Variants in RPTOR observed in about 807,000 individuals in gnomAD.
RPTOR encodes regulatory-associated protein of mTOR.
A neutral mutation model predicts 169.9 loss-of-function variants in RPTOR; 21 were observed. That is an observed-to-expected ratio of 0.12 (90% CI 0.09 to 0.18). RPTOR has a LOEUF of 0.18. Among genes scored for constraint, RPTOR ranks in the 10% least tolerant of loss-of-function variants. The pLI, the probability that RPTOR is intolerant of heterozygous loss-of-function variation, is 1.00. For missense variants in RPTOR, 1,133 were observed against 1,855.9 expected, an observed-to-expected ratio of 0.61 and a Z score of 7.16; for synonymous variants, 732 against 753.2, an observed-to-expected ratio of 0.97 and a Z score of 0.46.
At chr17:80,569,576 T>G (rs2064881393) in intron 1 of RPTOR, among the ~76,000 whole-genome samples, 1 of 152,118 alleles carries the variant, frequency 6.6e-6, no homozygotes, top group African/African-American at 2.4e-5. Flanking sequence ...CAGGTCTAGG[T>G]CAGGATTGGA....
chr17:80,558,670 G>A (rs759998251), intron 1 of RPTOR, among the ~76,000 whole-genome samples: 2 of 152,056 alleles, frequency 1.3e-5, no homozygotes, highest in African/African-American at 2.4e-5. Context: ...CCTAAACACC[G>A]TGTCTGTCTC....
At chr17:80,577,267 C>T (rs1204917926) in intron 1 of RPTOR, among the ~76,000 whole-genome samples, 1 of 152,144 alleles carries the variant, frequency 6.6e-6, no homozygotes, top group Non-Finnish European at 1.5e-5. Flanking sequence ...TGACCTCAGG[C>T]AATCCATCTG....
intron 9 of RPTOR, among the ~76,000 whole-genome samples, chr17:80,824,624 G>C (rs1250697798): frequency 6.6e-6 from 1 of 152,106 alleles, no homozygotes; most frequent in Non-Finnish European, 1.5e-5. Context: ...AAGCTGAAGG[G>C]GTCAGTGCCA....
At chr17:80,832,144 T>A (rs1041709892) in intron 9 of RPTOR, among the ~76,000 whole-genome samples, 1 of 152,204 alleles carries the variant, frequency 6.6e-6, no homozygotes, top group Non-Finnish European at 1.5e-5. Flanking sequence ...ATGGTTTGCC[T>A]TTCTCCCTGG....
chr17:80,964,111 C>T (rs1402025348), intron 33 of RPTOR, 151 bp from the exon 34 acceptor site: 19 of 680,874 alleles, frequency 2.8e-5, no homozygotes, highest in Non-Finnish European at 3.6e-5. Flanking sequence ...CTGGTGGGAC[C>T]GGCCCGGCAT....
intron 1 of RPTOR, among the ~76,000 whole-genome samples, chr17:80,555,550 C>T (rs111477917): frequency 4.3e-4 from 66 of 152,324 alleles, no homozygotes; most frequent in African/African-American, 1.5e-3. Flanking sequence ...AGTGTCCTGT[C>T]TCTCCAGGGC....
intron 5 of RPTOR, chr17:80,743,558 C>T: frequency 1.9e-6 from 1 of 536,368 alleles, no homozygotes; most frequent in Non-Finnish European, 2.4e-6. Context: ...GGAAAGGTGC[C>T]TGCGTGGGCT....
intron 6 of RPTOR, among the ~76,000 whole-genome samples, chr17:80,777,008 G>A (rs2066897790): frequency 6.6e-6 from 1 of 152,206 alleles, no homozygotes; most frequent in Non-Finnish European, 1.5e-5. Context: ...GGAGGACGAG[G>A]TGGGCAGATT....
rs2144105063 is a variant in RPTOR, at chr17:80,962,950, G to A, written c.3832G>A (p.Ala1278Thr). 1.9e-6 allele frequency: 3 copies of A among 1,613,650 alleles called. No individual in the cohort carries two copies. The highest frequency in any genetic ancestry group is 1.7e-6 in the Non-Finnish European group (2 of 1,179,940). ...IACGSVNQFT[A>T]IYNSSGELIN... is the part of the protein sequence containing the mutation. ...CAGTGGCTCCGTCAATCAGTTCACC[G>A]CCATCTACAACAGCAGCGGAGAGCT... Residue 1278 changes from alanine (A) to threonine (T), a missense_variant, in exon 33 of 34, where the codon GCC becomes ACC. Physicochemically the swap from Ala to Thr is moderately conservative, Grantham distance 58. Transcript: ENST00000306801.
chr17:80,570,395 A>T (rs1331002364), intron 1 of RPTOR, among the ~76,000 whole-genome samples: 1 of 152,126 alleles, frequency 6.6e-6, no homozygotes, highest in African/African-American at 2.4e-5. Flanking sequence ...CAGATAGATG[A>T]ATGATGCGTG....
chr17:80,903,405 C>T (rs1026449940), intron 20 of RPTOR, among the ~76,000 whole-genome samples: 42 of 152,342 alleles, frequency 2.8e-4, no homozygotes, highest in African/African-American at 8.4e-4. Flanking sequence ...GGGCACTGCC[C>T]GGCTCCTGGG....
intron 20 of RPTOR, among the ~76,000 whole-genome samples, chr17:80,900,569 G>A (rs2068463892): frequency 6.6e-6 from 1 of 152,186 alleles, no homozygotes; most frequent in Middle Eastern, 3.2e-3. Flanking sequence ...GCGCGCCTCA[G>A]CCTCCCAAAG....
At chr17:80,643,645 A>G (rs950951318) in intron 2 of RPTOR, 83 bp from the exon 3 acceptor site, 9 of 1,011,676 alleles carry the variant, frequency 8.9e-6, no homozygotes, top group African/African-American at 1.6e-5. Flanking sequence ...AGTGTGTTAT[A>G]TAAGGAGAAA....
At chr17:80,819,679 C>T (rs2067359498) in intron 7 of RPTOR, among the ~76,000 whole-genome samples, 2 of 152,216 alleles carry the variant, frequency 1.3e-5, no homozygotes, top group African/African-American at 4.8e-5. Flanking sequence ...AGCGCACGCT[C>T]GTACAGGATA....
In RPTOR at chr17:80,828,323, G is replaced by T. The variant is rs2589136; in HGVS notation, c.1136+5100G>T. ...GATGTGCGCCTCATATGAGAAACCC[G>T]TGGCAGGTGGCATTCCTTGCATTTT... On this transcript the variant is annotated intron_variant, in intron 9 of 33. Transcript: ENST00000306801. Among the ~76,000 whole-genome samples the T allele has an allele frequency of 4.5e-3, 692 of 152,288 alleles. 11 individuals carry two copies. Among genetic ancestry groups the T allele is most frequent in the African/African-American group, 0.016 (656 of 41,554 alleles).
At chr17:80,675,782 C>T (rs2065857526) in intron 3 of RPTOR, among the ~76,000 whole-genome samples, 1 of 152,232 alleles carries the variant, frequency 6.6e-6, no homozygotes, top group Admixed American at 6.5e-5. Flanking sequence ...GTGCCCCTGC[C>T]TGCTTGTCTG....
chr17:80,665,700 A>G lies in RPTOR; in HGVS notation c.348+21890A>G, dbSNP rs375046159. Reference sequence around the variant, plus strand: ...GCTGGGACTACAGGCGCCCGCCACCATGCCCGGCTAATTTTTTTGTATTTT... The same window carrying G: ...GCTGGGACTACAGGCGCCCGCCACCGTGCCCGGCTAATTTTTTTGTATTTT... On this transcript the variant is annotated intron_variant, in intron 3 of 33. Coordinates refer to ENST00000306801, the MANE Select transcript of RPTOR (RefSeq NM_020761.3). Among the ~76,000 whole-genome samples the G allele has an allele frequency of 4.8e-4, 72 of 151,478 alleles. 1 individual carries two copies. The highest frequency in any genetic ancestry group is 1.6e-3 in the African/African-American group (68 of 41,216).
intron 31 of RPTOR, chr17:80,961,688 C>T: frequency 1.7e-6 from 1 of 579,322 alleles, no homozygotes; most frequent in Non-Finnish European, 2.9e-6. Flanking sequence ...GGACACCTGA[C>T]CTGCAGGCGC....
intron 3 of RPTOR, among the ~76,000 whole-genome samples, chr17:80,663,483 G>A (rs538190814): frequency 6.6e-6 from 1 of 152,276 alleles, no homozygotes; most frequent in Non-Finnish European, 1.5e-5. Context: ...GGAAGCGTAG[G>A]CATCAGTGAG....
Sources: allele counts gnomAD v4.1 joint callset (sites outside exome capture counted in the v4.1 genomes callset), GRCh38; gene constraint gnomAD v4.1.1; transcripts MANE v1.5; gene names NCBI Gene and HGNC (gene_info 2026-07-23, HGNC 2026-07-21).